The following CCDC192 variants were observed in gnomAD, a reference collection of about 807,000 sequenced individuals.
CCDC192 encodes the protein coiled-coil domain-containing protein 192.
At chr5:127,749,188 C>G (rs1086485) in intron 2 of CCDC192, among the ~76,000 whole-genome samples, 41,077 of 150,514 alleles carry the variant, frequency 0.27, 6,317 homozygotes, top group South Asian at 0.42. Flanking sequence ...CCTGTCTTGT[C>G]CCAGTTTTCA....
chr5:127,776,369 A>G (rs1755856958), intron 3 of CCDC192, among the ~76,000 whole-genome samples: 1 of 152,216 alleles, frequency 6.6e-6, no homozygotes, highest in Admixed American at 6.5e-5. Context: ...AATTTAGGGT[A>G]TCTAGCAGAA....
intron 5 of CCDC192, among the ~76,000 whole-genome samples, chr5:127,847,835 A>G (rs1463955925): frequency 3.3e-5 from 5 of 150,860 alleles, no homozygotes; most frequent in Admixed American, 3.3e-4. Context: ...ATAAATAAAT[A>G]AATAAATAAA....
intron 5 of CCDC192, among the ~76,000 whole-genome samples, chr5:127,841,372 C>T (rs245199): frequency 0.74 from 113,206 of 152,110 alleles, 42,767 homozygotes; most frequent in African/African-American, 0.88. Context: ...TCAATGTGCA[C>T]CAGATGGGGT....
At chr5:127,786,136 G>A in intron 3 of CCDC192, 2 of 1,083,216 alleles carry the variant, frequency 1.8e-6, no homozygotes, top group Non-Finnish European at 1.4e-6. Context: ...CTGAAGTTCT[G>A]TGTGGAAAAT....
chr5:127,866,069 A>C (rs1025860812), intron 5 of CCDC192, among the ~76,000 whole-genome samples: 14 of 152,260 alleles, frequency 9.2e-5, no homozygotes, highest in African/African-American at 2.9e-4. Context: ...GTTGAACGCT[A>C]TCTGCGGTTC....
At chr5:127,839,512 T>C (rs947697451) in intron 5 of CCDC192, among the ~76,000 whole-genome samples, 1 of 152,224 alleles carries the variant, frequency 6.6e-6, no homozygotes, top group Non-Finnish European at 1.5e-5. Flanking sequence ...AAATTTTCTA[T>C]TTTTAAAGTT....
chr5:127,883,306 C>T (rs1202093645), intron 6 of CCDC192, among the ~76,000 whole-genome samples: 1 of 152,074 alleles, frequency 6.6e-6, no homozygotes, highest in East Asian at 1.9e-4. Context: ...AGAAGCTATA[C>T]CAAGATGGGA....
At chr5:127,862,878 A>G (rs1017760342) in intron 5 of CCDC192, among the ~76,000 whole-genome samples, 3 of 151,278 alleles carry the variant, frequency 2.0e-5, no homozygotes, top group Non-Finnish European at 4.4e-5. Flanking sequence ...GCATTTCCCA[A>G]TAAAAGCATT....
At chr5:127,933,642 C>G (rs1754111774) in intron 6 of CCDC192, among the ~76,000 whole-genome samples, 2 of 152,206 alleles carry the variant, frequency 1.3e-5, no homozygotes, top group Admixed American at 1.3e-4. Flanking sequence ...GCCCCTCACT[C>G]TGGTCTGGAG....
In CCDC192 at chr5:127,703,719, A is replaced by G. The variant is rs141973144; in HGVS notation, c.62+212A>G. Among the ~76,000 whole-genome samples, 5 of 152,328 alleles carry G rather than the reference A, an allele frequency of 3.3e-5. No individual in the cohort carries two copies. In the East Asian group the frequency reaches 7.7e-4, roughly 24 times the overall value. On this transcript the variant is annotated intron_variant, in intron 1 of 6. Transcript: ENST00000514853. The stretch of plus-strand genomic sequence containing the variant: ...TGGCCTGACACACAGTAGGGGTTCA[A>G]TAAATATTTGTTGAACAAATAAATT...
chr5:127,852,206 C>T (rs1750829087), intron 5 of CCDC192, among the ~76,000 whole-genome samples: 1 of 152,204 alleles, frequency 6.6e-6, no homozygotes, highest in Admixed American at 6.5e-5. Flanking sequence ...GGCTTAGTCA[C>T]AGTTCATCCT....
At chr5:127,920,407 CTTTTT>C (rs11388727) in intron 6 of CCDC192, among the ~76,000 whole-genome samples, 7 of 115,822 alleles carry the variant, frequency 6.0e-5, no homozygotes, top group South Asian at 5.5e-4. Flanking sequence ...ACTGAAGAGG[CTTTTT>C]TTTTTTTTTT....
intron 5 of CCDC192, among the ~76,000 whole-genome samples, chr5:127,800,471 C>G (rs1373267159): frequency 1.4e-5 from 2 of 148,096 alleles, no homozygotes; most frequent in Non-Finnish European, 3.0e-5. Context: ...CAAGAGTTAT[C>G]CATGTACAAA....
chr5:127,739,200 C>CT (rs1561457444), intron 2 of CCDC192, among the ~76,000 whole-genome samples: 3 of 152,116 alleles, frequency 2.0e-5, no homozygotes, highest in African/African-American at 4.8e-5. Flanking sequence ...TGTGAGGTGT[C>CT]AGTGTGCCCC....
chr5:127,828,679 A>C (rs1321016808), intron 5 of CCDC192, among the ~76,000 whole-genome samples: 1 of 152,180 alleles, frequency 6.6e-6, no homozygotes, highest in Admixed American at 6.5e-5. Flanking sequence ...CCCCTAATTG[A>C]GCCTGAGAGT....
At chr5:127,749,632 T>C (rs1390108341) in intron 2 of CCDC192, among the ~76,000 whole-genome samples, 1 of 151,854 alleles carries the variant, frequency 6.6e-6, no homozygotes, top group Non-Finnish European at 1.5e-5. Flanking sequence ...CCTCATAAAA[T>C]GAGTTAGGGA....
chr5:127,738,843 TCA>T (rs1753200748), intron 2 of CCDC192, among the ~76,000 whole-genome samples: 1 of 152,180 alleles, frequency 6.6e-6, no homozygotes, highest in Non-Finnish European at 1.5e-5. Context: ...TAAATTTTTT[TCA>T]GTTTTCAACT....
intron 5 of CCDC192, among the ~76,000 whole-genome samples, chr5:127,806,665 C>G (rs999241315): frequency 1.3e-5 from 2 of 152,004 alleles, no homozygotes; most frequent in African/African-American, 2.4e-5. Context: ...GCTGAAAAAT[C>G]GGATGGGAAC....
chr5:127,845,228 T>G (rs974525200), intron 5 of CCDC192, among the ~76,000 whole-genome samples: 1 of 152,182 alleles, frequency 6.6e-6, no homozygotes, highest in African/African-American at 2.4e-5. Flanking sequence ...AGACTGGAGC[T>G]GTCTGGAGGA....
Sources: allele counts gnomAD v4.1 joint callset (sites outside exome capture counted in the v4.1 genomes callset), GRCh38; gene constraint gnomAD v4.1.1; transcripts MANE v1.5; gene names NCBI Gene and HGNC (gene_info 2026-07-23, HGNC 2026-07-21).